The following PITRM1 variants were observed in gnomAD, a reference collection of about 807,000 sequenced individuals.
The protein encoded by PITRM1 is pitrilysin metallopeptidase 1.
Under a neutral mutation model 129.9 loss-of-function variants are expected in PITRM1, and 100 were observed. The observed-to-expected ratio is 0.77, with a 90% CI of 0.65 to 0.91. The LOEUF is 0.91. Among genes scored for constraint, PITRM1 ranks in the 40% least tolerant of loss-of-function variants. The pLI is 0.00. For missense variants in PITRM1, 1,471 were observed against 1,318.3 expected (o/e 1.12, Z -1.79); for synonymous variants, 591 against 508.8 (o/e 1.16, Z -2.17).
At chr10:3,149,805 C>T in intron 15 of PITRM1, 52 bp from the exon 16 acceptor site, 2 of 1,579,756 alleles carry the variant, frequency 1.3e-6, no homozygotes, top group Non-Finnish European at 8.7e-7. Context: ...AAATTCTAAC[C>T]ACTTGTAATA....
At chr10:3,168,565 G>T (rs1190551876) in intron 2 of PITRM1, among the ~76,000 whole-genome samples, 1 of 147,274 alleles carries the variant, frequency 6.8e-6, no homozygotes, top group Admixed American at 6.6e-5. Flanking sequence ...GGACCTGGTG[G>T]GAGGTAATTG....
intron 4 of PITRM1, 24 bp from the exon 5 acceptor site, chr10:3,165,551 T>C (rs1472744802): frequency 3.9e-6 from 5 of 1,286,536 alleles, no homozygotes; most frequent in Non-Finnish European, 5.6e-6. Context: ...AAAAGTGAAA[T>C]TGTAAAATAT....
At chr10:3,146,048 A>C (rs1395990661) in intron 20 of PITRM1, 1 of 248,160 alleles carries the variant, frequency 4.0e-6, no homozygotes, top group East Asian at 1.1e-4. Flanking sequence ...CTATCAAAAC[A>C]CTGACAACTT....
At chr10:3,139,330 G>A (rs1839948713) in intron 24 of PITRM1, among the ~76,000 whole-genome samples, 2 of 152,208 alleles carry the variant, frequency 1.3e-5, no homozygotes, top group Non-Finnish European at 2.9e-5. Flanking sequence ...ACCTCATCAG[G>A]AGAGGAAAGT....
At position 3,142,720 on chromosome 10, in the gene PITRM1, C is replaced by A. The variant is rs549089405; in HGVS notation, c.2645+669G>T. Among the ~76,000 whole-genome samples, 37 of 152,342 alleles carry A rather than the reference C, an allele frequency of 2.4e-4. No homozygotes were observed. In the South Asian group the frequency reaches 7.5e-3, roughly 31 times the overall value. ...ACTCTTGGCTGTGGCTTCGGCTGCTCAACCCAGGGCCTCCTTCCCTGAGCT... is the reference window on the plus strand; with the variant it reads ...ACTCTTGGCTGTGGCTTCGGCTGCTAAACCCAGGGCCTCCTTCCCTGAGCT... On this transcript the variant is annotated intron_variant, in intron 23 of 26. Transcript: ENST00000224949.
chr10:3,138,202 T>G lies in PITRM1; in HGVS notation c.3020+33A>C, dbSNP rs1473492528. ...TTAGAGTCAGCACGAGGGCTTCCAG[T>G]CCCAGACGCTGTCTCCCCCGCTCCC... On this transcript the variant is annotated intron_variant, in intron 26 of 26. Coordinates refer to ENST00000224949, the MANE Select transcript of PITRM1 (RefSeq NM_014889.4). 6 of 1,588,792 alleles carry G rather than the reference T, an allele frequency of 3.8e-6. No homozygotes were observed. In the South Asian group the frequency reaches 6.6e-5, roughly 18 times the overall value.
intron 22 of PITRM1, chr10:3,143,708 T>C: frequency 1.4e-6 from 1 of 707,354 alleles, no homozygotes; most frequent in Non-Finnish European, 2.6e-6. Flanking sequence ...GTTCCGTCAC[T>C]CCACACAATT....
Position 3,151,244 on chromosome 10 carries a change from G to A in PITRM1, c.1738+3C>T. The A allele has an allele frequency of 6.6e-7, 1 of 1,525,726 alleles. No homozygotes were observed. 94.5% of individuals were successfully genotyped at this position (1,525,726 alleles called of 1,614,324 possible). ...CCGGGAAAAGCGTAGCGTTCACAGT[G>A]ACCTGTCAGGACCACGTCCAACTCT... is the stretch of plus-strand genomic sequence containing the variant. On this transcript the variant is annotated splice_donor_region_variant and intron_variant, in intron 15 of 26. Coordinates refer to ENST00000224949, the MANE Select transcript of PITRM1 (RefSeq NM_014889.4).
In PITRM1 at chr10:3,140,803, G is replaced by A. The variant is rs1167107526; in HGVS notation, c.2655C>T (p.Ile885=). The change falls in exon 24 of 27, where the codon ATC becomes ATT. Residue 885 remains isoleucine, a synonymous_variant. Transcript: ENST00000224949. The part of the protein sequence containing the change: ...YTDPDHASLK[I]LARLMTAKFL... The stretch of plus-strand genomic sequence containing the variant: ...ATTTGGCAGTCATCAAACGTGCAAG[G>A]ATTTTAAGACTGAAATGATTAAAAA... 1.9e-6 allele frequency: 3 copies of A among 1,581,780 alleles called. No individual in the cohort carries two copies. The Admixed American group carries it at 5.4e-5, about 29-fold the overall frequency.
chr10:3,145,429 C>A, intron 21 of PITRM1, 167 bp downstream of exon 21: 1 of 637,234 alleles, frequency 1.6e-6, no homozygotes, highest in South Asian at 2.0e-5. Flanking sequence ...CCCAACACTG[C>A]ACAAGATACT....
At chr10:3,159,795 G>T in intron 9 of PITRM1, 53 bp downstream of exon 9, 1 of 1,064,502 alleles carries the variant, frequency 9.4e-7, no homozygotes, top group Non-Finnish European at 1.4e-6. Context: ...CTTCTAATAG[G>T]AACATTTTCC....
intron 14 of PITRM1, among the ~76,000 whole-genome samples, chr10:3,154,978 A>G (rs1240597230): frequency 3.9e-5 from 6 of 152,134 alleles, no homozygotes; most frequent in East Asian, 1.9e-4. Context: ...TTTTTCTGCA[A>G]AACTATCCTG....
chr10:3,171,898 C>T (rs1163857858), intron 1 of PITRM1, among the ~76,000 whole-genome samples: 1 of 152,068 alleles, frequency 6.6e-6, no homozygotes, highest in Non-Finnish European at 1.5e-5. Context: ...TATTATATGT[C>T]GTATGGGATT....
chr10:3,161,757 T>A (rs1842457357), intron 7 of PITRM1, among the ~76,000 whole-genome samples: 1 of 150,774 alleles, frequency 6.6e-6, no homozygotes. Context: ...TAAAAATGAA[T>A]AAATTCCATC....
rs1842334092 is a variant in PITRM1, at chr10:3,160,233, C to A, written c.889G>T (p.Val297Leu). The A allele has an allele frequency of 2.5e-6, 4 of 1,613,996 alleles. No homozygotes were observed. The highest frequency in any genetic ancestry group is 1.1e-5 in the South Asian group (1 of 91,066). ...TTGTCCCAGGGTGTCTGAGCTGGCA[C>A]CACGGTGCTTGGTTCAATTTTCTGG... ...KFQKIEPSTV[V>L]PAQTPWDKPR... The change falls in exon 8 of 27, where the codon GTG becomes TTG. Residue 297 changes from valine (V) to leucine (L), a missense_variant. Transcript: ENST00000224949.
intron 14 of PITRM1, among the ~76,000 whole-genome samples, chr10:3,153,292 A>T (rs1390015563): frequency 6.6e-6 from 1 of 152,260 alleles, no homozygotes; most frequent in Non-Finnish European, 1.5e-5. Context: ...TAATTTAGGA[A>T]ACGTACAACC....
chr10:3,168,466 T>TG (rs1187154517), intron 2 of PITRM1, among the ~76,000 whole-genome samples: 2 of 151,908 alleles, frequency 1.3e-5, no homozygotes, highest in East Asian at 3.9e-4. Flanking sequence ...CCCAGCACTT[T>TG]GGAAGGCCAA....
chr10:3,139,134 ATCT>A, intron 24 of PITRM1, 85 bp from the exon 25 acceptor site: 2 of 1,162,724 alleles, frequency 1.7e-6, no homozygotes, highest in Non-Finnish European at 2.5e-6. Flanking sequence ...ACAGTTCAAC[ATCT>A]TCTATGGGTT....
In PITRM1 at chr10:3,147,653, C is replaced by T. The variant is rs1841039694; in HGVS notation, c.2154G>A (p.Gly718=). Residue 718 remains glycine (G), a synonymous_variant, in exon 19 of 27, where the codon GGG becomes GGA. Coordinates refer to ENST00000224949, the MANE Select transcript of PITRM1 (RefSeq NM_014889.4). The part of the protein sequence containing the change: ...QELANGIPDS[G]HLYASIRAGR... ...CTGCCCTGATGGATGCGTACAGGTG[C>T]CCAGAGTCAGGAATTCCATTGGCGA... The T allele has an allele frequency of 6.2e-7, 1 of 1,613,738 alleles. No homozygotes were observed. Among genetic ancestry groups the T allele is most frequent in the African/African-American group, 1.3e-5 (1 of 74,930 alleles).
Sources: gnomAD v4.1 joint callset for allele counts (sites outside exome capture counted in the v4.1 genomes callset) on GRCh38, gnomAD v4.1.1 for gene constraint, MANE v1.5 for transcripts, NCBI Gene and HGNC (gene_info 2026-07-23, HGNC 2026-07-21) for gene names.